SRP14: variants seen among roughly 807,000 people sequenced by gnomAD.
SRP14 encodes signal recognition particle 14, also known as signal recognition particle 14 kDa protein.
In SRP14, 1 loss-of-function variant was observed where a neutral mutation model predicts 16.0. That is an observed-to-expected ratio of 0.06 (90% confidence interval 0.02 to 0.30). The LOEUF is 0.30. SRP14 is among the 10% of genes least tolerant of loss of function. The pLI is 1.00. For synonymous variants in SRP14, 67 were observed against 60.1 expected (o/e 1.12, Z -0.53); for missense variants, 120 against 163.1 (o/e 0.74, Z 1.44).
rs754559357 is a variant in SRP14, at chr15:40,036,350, CTGCTGTTGT to C, written c.385_393del (p.Thr129_Ala131del). 41 of 1,612,864 alleles carry C rather than the reference CTGCTGTTGT, an allele frequency of 2.5e-5. No homozygotes were observed. Among genetic ancestry groups the C allele is most frequent in the African/African-American group, 1.2e-4 (9 of 75,016 alleles). On this transcript the variant is annotated inframe_deletion, in exon 5 of 5. Coordinates refer to ENST00000267884, the MANE Select transcript of SRP14 (RefSeq NM_003134.6). ...TATGCCCTTTACTGTGCTGCTGTTGCTGCTGTTGTTGCTGCTGTTGTTGGTGCTGTTGCT... is the reference window on the plus strand; with the variant it reads ...TATGCCCTTTACTGTGCTGCTGTTGCTGCTGCTGTTGTTGGTGCTGTTGCT...
At position 40,036,413 on chromosome 15, in the gene SRP14, C is replaced by CGGCAGG. The variant is rs1567014074; in HGVS notation, c.330_331insCCTGCC (p.Ala110_Ala111insProAla). The CGGCAGG allele has an allele frequency of 1.2e-6, 2 of 1,614,162 alleles. No homozygotes were observed. Among genetic ancestry groups the CGGCAGG allele is most frequent in the Non-Finnish European group, 1.7e-6 (2 of 1,180,016 alleles). On this transcript the variant is annotated inframe_insertion, in exon 5 of 5. Transcript: ENST00000267884. Reference sequence around the variant, plus strand: ...GCGGCAGGTGCTGCTGCTGCTGCTGCTGCTGCTGCTTTGGTCTTCTTAGTT... The same window carrying CGGCAGG: ...GCGGCAGGTGCTGCTGCTGCTGCTGCGGCAGGTGCTGCTGCTTTGGTCTTCTTAGTT...
rs759789114 is a variant in SRP14 at position 40,037,364 on chromosome 15, A to G, written c.211-346T>C. ...GGTTTTCTCCCTGGGTTCTGAGAAA[A>G]GTCAGAGGACTTCTCAGTATTAATT... On this transcript the variant is annotated intron_variant, in intron 3 of 4. Transcript: ENST00000267884. 13 of 1,292,206 alleles carry G rather than the reference A, an allele frequency of 1.0e-5. No homozygotes were observed. In the East Asian group the frequency reaches 2.5e-4, roughly 25 times the overall value. 80.0% of individuals were successfully genotyped at this position (1,292,206 alleles called of 1,614,324 possible). A position where few individuals can be genotyped will look rare whatever the true frequency, so the allele number is the denominator to read the frequency against.
intron 4 of SRP14, 89 bp downstream of exon 4, chr15:40,036,897 G>T: frequency 6.8e-7 from 1 of 1,462,156 alleles, no homozygotes; most frequent in Non-Finnish European, 9.6e-7. Context: ...CCGGAGAGCA[G>T]TGAACCCAAG....
intron 4 of SRP14, 86 bp from the exon 5 acceptor site, chr15:40,036,586 A>G: frequency 7.3e-7 from 1 of 1,369,104 alleles, no homozygotes; most frequent in Non-Finnish European, 1.0e-6. Flanking sequence ...GATTTAGGGT[A>G]GCCAAAAATC....
At chr15:40,037,524 C>G (rs1056854322) in intron 3 of SRP14, among the ~76,000 whole-genome samples, 8 of 151,976 alleles carry the variant, frequency 5.3e-5, no homozygotes, top group Non-Finnish European at 7.4e-5. Context: ...GAAGAACACT[C>G]CTTAGGTTTT....
Position 40,036,426 on chromosome 15 carries a change from G to A in SRP14, c.318C>T (p.Thr106=), listed in dbSNP as rs2035624836. The change falls in exon 5 of 5, where the codon ACC becomes ACT. Residue 106 remains threonine (T), a synonymous_variant. Transcript: ENST00000267884. ...KRDKKNKTKK[T]KAAAAAAAAA... is the part of the protein sequence containing the mutation. ...CTGCTGCTGCTGCTGCTGCTGCTTT[G>A]GTCTTCTTAGTTTTGTTCTTTTTGT... The A allele has an allele frequency of 6.2e-7, 1 of 1,613,768 alleles. No homozygotes were observed. Among genetic ancestry groups the A allele is most frequent in the Non-Finnish European group, 8.5e-7 (1 of 1,179,854 alleles).
rs760851293 is a variant in SRP14 at position 40,038,359 on chromosome 15, T to A, written c.133A>T (p.Thr45Ser). Residue 45 changes from threonine (T) to serine (S), a missense_variant, in exon 3 of 5, where the codon ACT (threonine) becomes TCT (serine). Physicochemically the swap from Thr to Ser is moderately conservative, Grantham distance 58 (BLOSUM62 1). This residue lies in a region of SRP14 where 44 missense variants were observed against 93.1 expected (regional missense o/e 0.47). Transcript: ENST00000267884. ...GRTKPIPKKG[T>S]VEGFEPADNK... The stretch of plus-strand genomic sequence containing the variant: ...TCTGCGGGCTCAAAGCCCTCCACAG[T>A]ACCCTTCTTTGGAATGGGTTTGGTT... 1 of 1,613,912 alleles carries A rather than the reference T, an allele frequency of 6.2e-7. No individual in the cohort carries two copies. Among genetic ancestry groups the A allele is most frequent in the African/African-American group, 1.3e-5 (1 of 74,930 alleles).
intron 2 of SRP14, 83 bp from the exon 3 acceptor site, chr15:40,038,477 T>C: frequency 1.0e-6 from 1 of 960,842 alleles, no homozygotes; most frequent in Non-Finnish European, 1.7e-6. Context: ...AGGAGTGGGG[T>C]AAGTGATGAC....
At chr15:40,038,416 G>C (rs1804576080) in intron 2 of SRP14, 22 bp from the exon 3 acceptor site, 1 of 1,537,912 alleles carries the variant, frequency 6.5e-7, no homozygotes, top group African/African-American at 1.4e-5. Flanking sequence ...AATGCATCCT[G>C]GTGAACACGG....
chr15:40,039,041 C>G, intron 1 of SRP14, 52 bp downstream of exon 1: 1 of 1,606,590 alleles, frequency 6.2e-7, no homozygotes, highest in Non-Finnish European at 8.5e-7. Context: ...GCACAGGTCT[C>G]GAGTAACGCC....
intron 1 of SRP14, 57 bp from the exon 2 acceptor site, chr15:40,039,005 T>C (rs1359508514): frequency 1.9e-6 from 3 of 1,605,148 alleles, no homozygotes; most frequent in African/African-American, 2.7e-5. Context: ...TCCTGCCGCG[T>C]CAAGGCCCTG....
At position 40,036,885 on chromosome 15, in the gene SRP14, C is replaced by G. The variant is rs1308491162; in HGVS notation, c.243+101G>C. On this transcript the variant is annotated intron_variant, in intron 4 of 4. Transcript: ENST00000267884. ...CTTGAAACATACTGGTAAAACTTAT[C>G]TCCGGAGAGCAGTGAACCCAAGTAT... The G allele has an allele frequency of 2.2e-6, 3 of 1,335,780 alleles. No homozygotes were observed. The Admixed American group carries it at 5.1e-5, about 23-fold the overall frequency. The allele number at this position is 1,335,780 out of a possible 1,614,324, so 82.7% of individuals were successfully genotyped here.
chr15:40,035,999 G>A lies in SRP14; in HGVS notation c.*334C>T, dbSNP rs577987510. 1.4e-5 allele frequency: 4 copies of A among 294,112 alleles called. No individual in the cohort carries two copies. In the East Asian group the frequency reaches 2.6e-4, roughly 19 times the overall value. The allele number at this position is 294,112 out of a possible 1,614,324, so 18.2% of individuals were successfully genotyped here. ...ATTCTAGATTTAGTAGTTATTGCCAGAACTATTAAAATGGGTTGGGAAAGG... is the reference window on the plus strand; with the variant it reads ...ATTCTAGATTTAGTAGTTATTGCCAAAACTATTAAAATGGGTTGGGAAAGG... On this transcript the variant is annotated 3_prime_UTR_variant, in exon 5 of 5. Transcript: ENST00000267884.
chr15:40,038,703 G>A (rs2035670297), intron 2 of SRP14, 173 bp downstream of exon 2: 1 of 699,622 alleles, frequency 1.4e-6, no homozygotes, highest in Non-Finnish European at 2.4e-6. Flanking sequence ...GCTCAGTGCT[G>A]GGGACTGAGC....
chr15:40,039,077 C>T lies in SRP14; in HGVS notation c.24+16G>A. 2 of 1,608,064 alleles carry T rather than the reference C, an allele frequency of 1.2e-6. No homozygotes were observed. The highest frequency in any genetic ancestry group is 8.5e-7 in the Non-Finnish European group (1 of 1,178,092). On this transcript the variant is annotated intron_variant, in intron 1 of 4. Coordinates refer to ENST00000267884, the MANE Select transcript of SRP14 (RefSeq NM_003134.6). Reference sequence around the variant, plus strand: ...TGAGCCGCCCCCTTCCCTCGGCCGGCCAGGCCTAGCCATACCTGCTCGCTC... The same window carrying T: ...TGAGCCGCCCCCTTCCCTCGGCCGGTCAGGCCTAGCCATACCTGCTCGCTC...
Position 40,038,401 on chromosome 15 carries a change from G to C in SRP14, c.98-7C>G. On this transcript the variant is annotated splice_region_variant and splice_polypyrimidine_tract_variant and intron_variant, in intron 2 of 4. Transcript: ENST00000267884. ...GGTTTGGTTCGACCGTCATCTGAAG[G>C]AAAAAATGCATCCTGGTGAACACGG... 2 of 1,592,846 alleles carry C rather than the reference G, an allele frequency of 1.3e-6. No individual in the cohort carries two copies. The highest frequency in any genetic ancestry group is 1.3e-5 in the African/African-American group (1 of 74,552).
chr15:40,039,044 G>A (rs917148757), intron 1 of SRP14, 49 bp downstream of exon 1: 1 of 1,607,170 alleles, frequency 6.2e-7, no homozygotes. Flanking sequence ...CAGGTCTCGA[G>A]TAACGCCTGA....
At chr15:40,036,844 A>G (rs1356108253) in intron 4 of SRP14, 142 bp downstream of exon 4, 4 of 967,780 alleles carry the variant, frequency 4.1e-6, no homozygotes, top group Admixed American at 4.2e-5. Context: ...TGAAATTCAC[A>G]CCCTGGCAGC....
At chr15:40,037,205 A>G (rs1280745328) in intron 3 of SRP14, 187 bp from the exon 4 acceptor site, 21 of 1,269,280 alleles carry the variant, frequency 1.7e-5, no homozygotes, top group Middle Eastern at 2.0e-4. Context: ...CCTAGAGAAC[A>G]AGAAAAGGAG....
Sources: gnomAD v4.1 joint callset for allele counts (sites outside exome capture counted in the v4.1 genomes callset) on GRCh38, gnomAD v4.1.1 for gene constraint, gnomAD v4.1.1 regional missense constraint, MANE v1.5 for transcripts, NCBI Gene and HGNC (gene_info 2026-07-23, HGNC 2026-07-21) for gene names.